Variants in KMT2D observed in about 807,000 individuals in gnomAD.
KMT2D encodes the protein histone-lysine N-methyltransferase 2D.
Under a neutral mutation model 512.7 loss-of-function variants are expected in KMT2D, and 55 were observed. The observed-to-expected ratio is 0.11, with a 90% confidence interval of 0.09 to 0.13. The LOEUF (loss-of-function observed/expected upper bound fraction) is 0.13, where lower values mean the gene tolerates loss of function less well. Ranked by LOEUF, KMT2D falls within the 10% of genes least tolerant of loss-of-function variation. The pLI is 1.00. For synonymous variants in KMT2D, 2,995 were observed against 2,904.0 expected (o/e 1.03, Z -1.01); for missense variants, 6,061 against 7,127.9 (o/e 0.85, Z 5.39).
At position 49,040,231 on chromosome 12, in the gene KMT2D, C is replaced by T. The variant is rs2120524716; in HGVS notation, c.7539G>A (p.Gly2513=). 1.2e-6 allele frequency: 2 copies of T among 1,612,940 alleles called. No individual in the cohort carries two copies. Among genetic ancestry groups the T allele is most frequent in the South Asian group, 1.1e-5 (1 of 91,030 alleles). The part of the protein sequence containing the change: ...AGELHAKVPS[G]QPPNFVRSPG... ...GGGACCGGACAAAATTGGGGGGCTG[C>T]CCACTTGGGACCTTGGCATGGAGCT... The change falls in exon 32 of 55, where the codon GGG becomes GGA. Residue 2513 remains glycine, a synonymous_variant. Transcript: ENST00000301067.
At position 49,027,313 on chromosome 12, in the gene KMT2D, C is replaced by T. The variant is rs756477886; in HGVS notation, c.14653G>A (p.Ala4885Thr). 10 of 1,523,072 alleles carry T rather than the reference C, an allele frequency of 6.6e-6. No individual in the cohort carries two copies. The highest frequency in any genetic ancestry group is 4.0e-5 in the South Asian group (3 of 75,680). 94.3% of individuals were successfully genotyped at this position (1,523,072 alleles called of 1,614,324 possible). Residue 4885 changes from alanine to threonine, a missense_variant, in exon 49 of 55, where the codon GCC becomes ACC. Around this residue, in one of 16 missense-constraint regions of KMT2D, gnomAD observed 1,600 missense variants for 1,754.9 expected, o/e 0.91. Transcript: ENST00000301067. ...ILSLLKQESP[A>T]PEPPTQHSYT... ...CTGTGCTGAGTGGGTGGCTCTGGGG[C>T]GGGGCTCTCCTGTAGGAGGGTGCCC...
intron 40 of KMT2D, 26 bp from the exon 41 acceptor site, chr12:49,031,059 CT>C (rs1942882256): frequency 6.2e-7 from 1 of 1,613,252 alleles, no homozygotes. Flanking sequence ...CCATTGAAGG[CT>C]GCTACCCTCC....
Position 49,038,248 on chromosome 12 carries a change from G to A in KMT2D, c.9108C>T (p.Pro3036=), listed in dbSNP as rs779585766. Residue 3036 remains proline (P), a synonymous_variant, in exon 35 of 55, where the codon CCC becomes CCT. Coordinates refer to ENST00000301067, the MANE Select transcript of KMT2D (RefSeq NM_003482.4). This position sits in a 1 kb window ranked among gnomAD's most constrained non-coding sequence, Gnocchi z 5.7. The stretch of plus-strand genomic sequence containing the variant: ...CTCCATTGAGCAGGTCATCCAAGTG[G>A]GGGTCATTGGTCTCCAGGTTTTCTA... ...GTLENLETND[P]HLDDLLNGDE... 6.2e-7 allele frequency: 1 copy of A among 1,613,830 alleles called. No homozygotes were observed. The highest frequency in any genetic ancestry group is 8.5e-7 in the Non-Finnish European group (1 of 1,179,888).
At position 49,052,626 on chromosome 12, in the gene KMT2D, C is replaced by G. The variant is rs1316703353; in HGVS notation, c.1196G>C (p.Gly399Ala). 2.5e-6 allele frequency: 4 copies of G among 1,613,628 alleles called. No individual in the cohort carries two copies. Among genetic ancestry groups the G allele is most frequent in the Non-Finnish European group, 3.4e-6 (4 of 1,179,684 alleles). The change falls in exon 10 of 55, where the codon GGG (glycine) becomes GCG (alanine). Residue 399 changes from glycine (G) to alanine (A), a missense_variant. Gly to Ala is a moderately conservative substitution (Grantham distance 60, BLOSUM62 0). Coordinates refer to ENST00000301067, the MANE Select transcript of KMT2D (RefSeq NM_003482.4). Reference sequence around the variant, plus strand: ...CTTGGGTTGCATAGAGGTCACGTGCCCACCCTTTGGCTGCCCTTGGCATGC... The same window carrying G: ...CTTGGGTTGCATAGAGGTCACGTGCGCACCCTTTGGCTGCCCTTGGCATGC... The part of the protein sequence containing the change: ...YVACQGQPKG[G>A]HVTSMQPKEP...
chr12:49,047,406 CTTTTTTTTTTTT>C (rs57252968), intron 15 of KMT2D, among the ~76,000 whole-genome samples: 33 of 93,910 alleles, frequency 3.5e-4, no homozygotes, highest in African/African-American at 1.3e-3. Context: ...CCAGTTTTTC[CTTTTTTTTTTTT>C]TTTTTTTTTT....
chr12:49,055,167 T>C, intron 2 of KMT2D, 109 bp downstream of exon 2: 1 of 1,538,882 alleles, frequency 6.5e-7, no homozygotes, highest in East Asian at 2.2e-5. Context: ...AACAAAGTTG[T>C]TCCATTACTT....
rs1565775359 is a variant in KMT2D at position 49,032,477 on chromosome 12, C to G, written c.12228G>C (p.Leu4076=). ...GAGGCTGGGGCTGGGGTTGGACAAG[C>G]AGGAGTTGTGAGTCCCCAGAGAGTG... is the stretch of plus-strand genomic sequence containing the variant. ...KPSLSGDSQL[L]LVQPQPQPQP... is the part of the protein sequence containing the mutation. The change falls in exon 40 of 55, where the codon CTG becomes CTC. Residue 4076 remains leucine (L), a synonymous_variant. Transcript: ENST00000301067. The G allele has an allele frequency of 1.3e-6, 2 of 1,567,528 alleles. No homozygotes were observed. The highest frequency in any genetic ancestry group is 2.4e-5 in the East Asian group (1 of 41,934).
rs1942913278 is a variant in KMT2D, at chr12:49,031,601, G to C, written c.13104C>G (p.Thr4368=). ...VSPAAAQLAD[T]LFSKGLGPWD... ...AAGGTCCCAGACCCTTGCTAAACAA[G>C]GTATCTGCAAGCTGGGCAGCAGCAG... Residue 4368 remains threonine, a synonymous_variant, in exon 40 of 55, where the codon ACC becomes ACG. Transcript: ENST00000301067. 5 of 1,599,608 alleles carry C rather than the reference G, an allele frequency of 3.1e-6. No individual in the cohort carries two copies. The highest frequency in any genetic ancestry group is 4.3e-6 in the Non-Finnish European group (5 of 1,173,036).
chr12:49,052,826 T>C (rs1163339216), intron 9 of KMT2D, 89 bp downstream of exon 9: 1 of 1,589,800 alleles, frequency 6.3e-7, no homozygotes, highest in East Asian at 2.2e-5. Context: ...AGGGCTCTCC[T>C]CTCAAAGTCC....
rs760993744 is a variant in KMT2D at position 49,041,185 on chromosome 12, G to A, written c.6585C>T (p.Thr2195=). 1.1e-5 allele frequency: 16 copies of A among 1,516,740 alleles called. No homozygotes were observed. In the East Asian group the frequency reaches 1.1e-4, roughly 11 times the overall value. 94.0% of individuals were successfully genotyped at this position (1,516,740 alleles called of 1,614,324 possible). A position where few individuals can be genotyped will look rare whatever the true frequency, so the allele number is the denominator to read the frequency against. The change falls in exon 32 of 55, where the codon ACC becomes ACT. Residue 2195 remains threonine, a synonymous_variant. Transcript: ENST00000301067. The surrounding 1 kb of genome is among the most constrained non-coding windows in gnomAD (Gnocchi z 5.4). ...LEPRFPTAPP[T]YPPYPSPTGA... Reference sequence around the variant, plus strand: ...CCGTAGGACTAGGATAGGGGGGATAGGTGGGCGGTGCCGTGGGGAAGCGGG... The same window carrying A: ...CCGTAGGACTAGGATAGGGGGGATAAGTGGGCGGTGCCGTGGGGAAGCGGG...
At position 49,044,108 on chromosome 12, in the gene KMT2D, C is replaced by T; in HGVS notation, c.5188+92G>A. On this transcript the variant is annotated intron_variant, in intron 22 of 54. Coordinates refer to ENST00000301067, the MANE Select transcript of KMT2D (RefSeq NM_003482.4). The surrounding 1 kb of genome is among the most constrained non-coding windows in gnomAD (Gnocchi z 6.4). ...CCACAACACCAGCTGGGTCTACCACCCTCTTGGCCCTTTCAATGAGTCCAC... is the reference window on the plus strand; with the variant it reads ...CCACAACACCAGCTGGGTCTACCACTCTCTTGGCCCTTTCAATGAGTCCAC... The T allele has an allele frequency of 6.3e-7, 1 of 1,584,808 alleles. No homozygotes were observed. Among genetic ancestry groups the T allele is most frequent in the Non-Finnish European group, 8.6e-7 (1 of 1,162,836 alleles).
rs764121956 is a variant in KMT2D at position 49,027,917 on chromosome 12, C to T, written c.14529G>A (p.Lys4843=). The T allele has an allele frequency of 6.2e-7, 1 of 1,613,980 alleles. No homozygotes were observed. Among genetic ancestry groups the T allele is most frequent in the Admixed American group, 1.7e-5 (1 of 60,020 alleles). ...TGTCTGGGCTCTTGCCTTCCAGACC[C>T]TTTTCCTTCCCACCTGCAGAAAGGA... ...GEAEGPGGKE[K]GLEGKSPDTG... is the part of the protein sequence containing the mutation. Residue 4843 remains lysine (K), a synonymous_variant, in exon 48 of 55, where the codon AAG becomes AAA. Transcript: ENST00000301067.
chr12:49,058,882 T>C (rs902208300), intron 1 of KMT2D, among the ~76,000 whole-genome samples: 2 of 152,098 alleles, frequency 1.3e-5, no homozygotes, highest in African/African-American at 4.8e-5. Context: ...GCCTCCTCTA[T>C]AATCCTCTGG....
intron 1 of KMT2D, 53 bp from the exon 2 acceptor site, chr12:49,055,414 A>AC (rs1938350808): frequency 8.0e-7 from 1 of 1,254,968 alleles, no homozygotes; most frequent in African/African-American, 1.5e-5. Context: ...CCCAAGAAGC[A>AC]TTTTTCCCAG....
Position 49,037,507 on chromosome 12 carries a change from A to ATGC in KMT2D, c.9846_9848dup (p.Gln3282dup), listed in dbSNP as rs758215754. 20 of 1,557,316 alleles carry ATGC rather than the reference A, an allele frequency of 1.3e-5. No homozygotes were observed. Among genetic ancestry groups the ATGC allele is most frequent in the African/African-American group, 5.5e-5 (4 of 73,294 alleles). The stretch of plus-strand genomic sequence containing the variant: ...CAGGGCCTGGTGCAGACAGTAGGGA[A>ATGC]TGCTGCTGCTGCTGTTGCTGCTGCT... On this transcript the variant is annotated inframe_insertion, in exon 35 of 55. Coordinates refer to ENST00000301067, the MANE Select transcript of KMT2D (RefSeq NM_003482.4).
rs370622706 is a variant in KMT2D at position 49,051,096 on chromosome 12, G to A, written c.2587C>T (p.Arg863Trp). The change falls in exon 11 of 55, where the codon CGG becomes TGG. Residue 863 changes from arginine (R) to tryptophan (W), a missense_variant. Coordinates refer to ENST00000301067, the MANE Select transcript of KMT2D (RefSeq NM_003482.4). ...GGCTCCTCAGGGGGCTTTTCAGGCC[G>A]AGGGGACAGGGGTGGCTTCTCAAGC... Reference protein sequence around the residue: ...PELEKPPLSPRPEKPPEEPGQ... With the variant: ...PELEKPPLSPWPEKPPEEPGQ... 76 of 1,523,610 alleles carry A rather than the reference G, an allele frequency of 5.0e-5. No homozygotes were observed. Among genetic ancestry groups the A allele is most frequent in the Middle Eastern group, 1.8e-4 (1 of 5,614 alleles). The allele number at this position is 1,523,610 out of a possible 1,614,324, so 94.4% of individuals were successfully genotyped here. A position where few individuals can be genotyped will look rare whatever the true frequency, so the allele number is the denominator to read the frequency against.
At position 49,024,715 on chromosome 12, in the gene KMT2D, G is replaced by A. The variant is rs2137710811; in HGVS notation, c.15922-7C>T. 6.2e-7 allele frequency: 1 copy of A among 1,613,346 alleles called. No homozygotes were observed. Among genetic ancestry groups the A allele is most frequent in the Non-Finnish European group, 8.5e-7 (1 of 1,179,560 alleles). ...AGCTCTCCACCCCGGGCAGCTGTGGGCACAGTTCATACTCACCTTAGCCTG... is the reference window on the plus strand; with the variant it reads ...AGCTCTCCACCCCGGGCAGCTGTGGACACAGTTCATACTCACCTTAGCCTG... On this transcript the variant is annotated splice_region_variant and splice_polypyrimidine_tract_variant and intron_variant, in intron 50 of 54. Transcript: ENST00000301067. This position sits in a 1 kb window ranked among gnomAD's most constrained non-coding sequence, Gnocchi z 4.5.
In KMT2D at chr12:49,024,612, G is replaced by A. The variant is rs1565756115; in HGVS notation, c.16018C>T (p.Arg5340Ter). 1 of 1,613,620 alleles carries A rather than the reference G, an allele frequency of 6.2e-7. No individual in the cohort carries two copies. ...TGTGTGAGGATTTTAGGCTCTGATC[G>A]GGCACAGCCAGTGGGGTTGATCATG... is the stretch of plus-strand genomic sequence containing the variant. ...PLMINPTGCA[R>*]SEPKILTHYK... The change falls in exon 51 of 55, where the codon CGA (arginine) becomes TGA (stop). Residue 5340 changes from arginine (R) to a stop codon, truncating the protein, a stop_gained. Transcript: ENST00000301067. LOFTEE classifies it high-confidence loss of function. This position sits in a 1 kb window ranked among gnomAD's most constrained non-coding sequence, Gnocchi z 4.5.
chr12:49,021,650 G>A lies in KMT2D; in HGVS notation c.*130C>T. The stretch of plus-strand genomic sequence containing the variant: ...CCCTCTGCCCCAGCCTCCTGCTCCA[G>A]GGGCTCCGGGTCAGCCGGCAGCCCC... On this transcript the variant is annotated 3_prime_UTR_variant, in exon 55 of 55. Coordinates refer to ENST00000301067, the MANE Select transcript of KMT2D (RefSeq NM_003482.4). The A allele has an allele frequency of 1.3e-6, 1 of 755,118 alleles. No homozygotes were observed. The highest frequency in any genetic ancestry group is 2.2e-6 in the Non-Finnish European group (1 of 463,466). 46.8% of individuals were successfully genotyped at this position (755,118 alleles called of 1,614,324 possible). A position where few individuals can be genotyped will look rare whatever the true frequency, so the allele number is the denominator to read the frequency against.
Sources: gnomAD v4.1 joint callset for allele counts (sites outside exome capture counted in the v4.1 genomes callset) on GRCh38, gnomAD v4.1.1 for gene constraint, gnomAD v4.1.1 regional missense constraint, Gnocchi (gnomAD v3.1) non-coding constraint, MANE v1.5 for transcripts, NCBI Gene and HGNC (gene_info 2026-07-23, HGNC 2026-07-21) for gene names.